The following ABCC2 variants were observed in gnomAD, a reference collection of about 807,000 sequenced individuals.
ABCC2 encodes ATP-binding cassette sub-family C member 2.
In ABCC2, 157 loss-of-function variants were observed where a neutral mutation model predicts 173.4. That is an observed-to-expected ratio of 0.91 (90% CI 0.80 to 1.03). The LOEUF (loss-of-function observed/expected upper bound fraction) is 1.03, where lower values mean the gene tolerates loss of function less well. Ranked by LOEUF, ABCC2 falls within the 50% of genes least tolerant of loss-of-function variation. The pLI is 0.00. For synonymous variants in ABCC2, 657 were observed against 693.5 expected (o/e 0.95, Z 0.83); for missense variants, 1,822 against 1,852.3 (o/e 0.98, Z 0.30).
Position 99,799,221 on chromosome 10 carries a change from GA to G in ABCC2, c.890del (p.Lys297ArgfsTer14), listed in dbSNP as rs759781877. On this transcript the variant is annotated frameshift_variant, in exon 8 of 32. Coordinates refer to ENST00000647814, the MANE Select transcript of ABCC2 (RefSeq NM_000392.5). LOFTEE classifies it high-confidence loss of function. The stretch of plus-strand genomic sequence containing the variant: ...TTTGTACCTAGGAAGATGTTGAAAA[GA>G]AAAAAAAGAAGTCTGGGACCAAAAA... ...DALVLEDVEK[K>X]KKKSGTKKDV... is the part of the protein sequence containing the mutation. 1 of 1,613,488 alleles carries G rather than the reference GA, an allele frequency of 6.2e-7. No individual in the cohort carries two copies. Among genetic ancestry groups the G allele is most frequent in the South Asian group, 1.1e-5 (1 of 91,052 alleles).
chr10:99,834,315 AG>A, intron 23 of ABCC2, 64 bp from the exon 24 acceptor site: 1 of 1,515,590 alleles, frequency 6.6e-7, no homozygotes, highest in South Asian at 1.1e-5. Context: ...TGCTAGAACT[AG>A]GAAGATGTAA....
At chr10:99,790,542 G>A (rs2132960665) in intron 2 of ABCC2, among the ~76,000 whole-genome samples, 1 of 152,116 alleles carries the variant, frequency 6.6e-6, no homozygotes, top group South Asian at 2.1e-4. Flanking sequence ...CCCTGGCCTG[G>A]GGAATAGGCT....
chr10:99,784,463 A>T (rs766037031), intron 1 of ABCC2, 145 bp from the exon 2 acceptor site: 7 of 916,206 alleles, frequency 7.6e-6, no homozygotes, highest in Non-Finnish European at 1.2e-5. Context: ...GTGCACAAAT[A>T]GGAAAATACG....
At position 99,850,625 on chromosome 10, in the gene ABCC2, G is replaced by T. The variant is rs746015901; in HGVS notation, c.4337G>T (p.Cys1446Phe). ...AGCATAGGCCAGAGGCAGCTGCTGT[G>T]CCTGGGCAGGGCTCTGCTTCGGAAA... is the stretch of plus-strand genomic sequence containing the variant. ...NLSIGQRQLL[C>F]LGRALLRKSK... The change falls in exon 31 of 32, where the codon TGC becomes TTC. Residue 1446 changes from cysteine (C) to phenylalanine (F), a missense_variant. Cys to Phe is a radical substitution (Grantham distance 205). Transcript: ENST00000647814. The T allele has an allele frequency of 3.1e-6, 5 of 1,614,176 alleles. No individual in the cohort carries two copies. In the Admixed American group the frequency reaches 8.3e-5, roughly 27 times the overall value.
At chr10:99,831,926 G>A (rs1375121408) in intron 22 of ABCC2, 51 bp from the exon 23 acceptor site, 2 of 1,613,904 alleles carry the variant, frequency 1.2e-6, no homozygotes, top group African/African-American at 2.7e-5. Flanking sequence ...CTGGGCACAA[G>A]TCTTCAGGGA....
At chr10:99,836,328 T>C (rs2038824195) in intron 25 of ABCC2, 38 bp downstream of exon 25, 3 of 1,608,704 alleles carry the variant, frequency 1.9e-6, no homozygotes, top group Admixed American at 1.7e-5. Flanking sequence ...TGTGTGTACT[T>C]TGGGGTTCTA....
At chr10:99,810,583 G>A (rs1031638505) in intron 14 of ABCC2, among the ~76,000 whole-genome samples, 1 of 152,234 alleles carries the variant, frequency 6.6e-6, no homozygotes, top group African/African-American at 2.4e-5. Context: ...GCCAGAGTGG[G>A]CATAGGACTG....
At chr10:99,839,641 CG>C (rs1430000873) in intron 25 of ABCC2, among the ~76,000 whole-genome samples, 11 of 25,426 alleles carry the variant, frequency 4.3e-4, no homozygotes, top group African/African-American at 2.4e-3. Flanking sequence ...GGGTGGCTGC[CG>C]GGCGGAGAGG....
chr10:99,843,502 G>T (rs1237544317), intron 26 of ABCC2, among the ~76,000 whole-genome samples: 2 of 152,246 alleles, frequency 1.3e-5, no homozygotes, highest in Non-Finnish European at 2.9e-5. Flanking sequence ...GGAGGCCTGA[G>T]CTCTGCTCCC....
At chr10:99,805,523 G>T in intron 11 of ABCC2, 76 bp downstream of exon 11, 1 of 1,440,344 alleles carries the variant, frequency 6.9e-7, no homozygotes, top group Non-Finnish European at 9.8e-7. Context: ...GCAAACCCTG[G>T]TAGAGGTGAT....
rs138578110 is a variant in ABCC2, at chr10:99,851,890, G to T, written c.*259G>T. On this transcript the variant is annotated 3_prime_UTR_variant, in exon 32 of 32. Coordinates refer to ENST00000647814, the MANE Select transcript of ABCC2 (RefSeq NM_000392.5). ...GGACAACCACTGTCCTGAATTTCAC[G>T]ATAATTATTCCTTTGCCTTTCATTT... 0.012 allele frequency: 4,446 copies of T among 367,284 alleles called. 49 individuals carry two copies. Among genetic ancestry groups the T allele is most frequent in the Non-Finnish European group, 0.018 (3,791 of 205,466 alleles). The allele number at this position is 367,284 out of a possible 1,614,324, so 22.8% of individuals were successfully genotyped here.
chr10:99,794,619 A>G, intron 6 of ABCC2, 151 bp downstream of exon 6: 3 of 694,310 alleles, frequency 4.3e-6, no homozygotes, highest in Non-Finnish European at 7.2e-6. Context: ...ATCTTGGCTC[A>G]CTGCAACCTC....
At chr10:99,846,032 A>C (rs1002016584) in intron 29 of ABCC2, among the ~76,000 whole-genome samples, 3 of 152,216 alleles carry the variant, frequency 2.0e-5, no homozygotes, top group African/African-American at 7.2e-5. Flanking sequence ...AGTACAGCAG[A>C]CGATTCTTTA....
At chr10:99,797,434 C>A in intron 7 of ABCC2, 103 bp downstream of exon 7, 1 of 958,552 alleles carries the variant, frequency 1.0e-6, no homozygotes, top group Non-Finnish European at 1.6e-6. Context: ...GCACTTCATA[C>A]TTCTCAGTGC....
intron 3 of ABCC2, among the ~76,000 whole-genome samples, chr10:99,792,736 G>A (rs1193250088): frequency 1.3e-5 from 2 of 152,130 alleles, no homozygotes; most frequent in African/African-American, 2.4e-5. Context: ...AGTGAGCTTA[G>A]AGTTTATATA....
chr10:99,807,331 T>A, intron 11 of ABCC2, 53 bp from the exon 12 acceptor site: 1 of 1,609,748 alleles, frequency 6.2e-7, no homozygotes, highest in Non-Finnish European at 8.5e-7. Flanking sequence ...CAGATACACC[T>A]GGTGCCCTTT....
At chr10:99,827,518 C>T (rs1446459163) in intron 19 of ABCC2, among the ~76,000 whole-genome samples, 1 of 152,094 alleles carries the variant, frequency 6.6e-6, no homozygotes, top group Non-Finnish European at 1.5e-5. Context: ...GAAACGCTAT[C>T]TTCTTCTGTT....
At chr10:99,810,029 C>A in intron 13 of ABCC2, 105 bp from the exon 14 acceptor site, 1 of 1,037,494 alleles carries the variant, frequency 9.6e-7, no homozygotes. Flanking sequence ...TAGGAGATGC[C>A]AGCTGTGGCA....
intron 19 of ABCC2, among the ~76,000 whole-genome samples, chr10:99,829,655 A>G (rs1312613394): frequency 6.6e-6 from 1 of 152,044 alleles, no homozygotes; most frequent in African/African-American, 2.4e-5. Context: ...CTGTTTTGAG[A>G]GAGTCTCACT....
Sources: gnomAD v4.1 joint callset for allele counts (sites outside exome capture counted in the v4.1 genomes callset) on GRCh38, gnomAD v4.1.1 for gene constraint, MANE v1.5 for transcripts, NCBI Gene and HGNC (gene_info 2026-07-23, HGNC 2026-07-21) for gene names.